The following PPARGC1B variants were observed in gnomAD, a reference collection of about 807,000 sequenced individuals.
The protein encoded by PPARGC1B is peroxisome proliferator-activated receptor gamma coactivator 1-beta.
PPARGC1B carries 34 observed loss-of-function variants against 101.6 expected under a neutral mutation model. The observed-to-expected ratio is 0.33, with a 90% CI of 0.25 to 0.45. The LOEUF (loss-of-function observed/expected upper bound fraction) is 0.45. Ranked by LOEUF, PPARGC1B falls within the 20% of genes least tolerant of loss-of-function variation. The pLI, the probability that PPARGC1B is intolerant of heterozygous loss-of-function variation, is 1.00. For missense variants in PPARGC1B, 1,234 were observed against 1,317.6 expected, an observed-to-expected ratio of 0.94 and a Z score of 0.98; for synonymous variants, 548 against 539.3, an observed-to-expected ratio of 1.02 and a Z score of -0.22.
At chr5:149,831,333 A>G (rs1326033532) in intron 4 of PPARGC1B, among the ~76,000 whole-genome samples, 1 of 152,128 alleles carries the variant, frequency 6.6e-6, no homozygotes, top group Non-Finnish European at 1.5e-5. Flanking sequence ...CTTGAGCCCC[A>G]TCTTCCAAGC....
At chr5:149,755,767 C>T (rs1400456244) in intron 1 of PPARGC1B, among the ~76,000 whole-genome samples, 1 of 151,840 alleles carries the variant, frequency 6.6e-6, no homozygotes, top group East Asian at 1.9e-4. Flanking sequence ...CCTCAGCCTC[C>T]CAAGTAGCTG....
chr5:149,841,802 A>G (rs1759349004), intron 9 of PPARGC1B, among the ~76,000 whole-genome samples: 1 of 152,112 alleles, frequency 6.6e-6, no homozygotes, highest in African/African-American at 2.4e-5. Context: ...GGCTTCAGCC[A>G]CTTTGCCCAG....
intron 1 of PPARGC1B, among the ~76,000 whole-genome samples, chr5:149,819,861 A>G (rs911022006): frequency 1.3e-5 from 2 of 152,242 alleles, no homozygotes; most frequent in African/African-American, 4.8e-5. Context: ...GTGTTCCATC[A>G]TATATCATAT....
chr5:149,841,667 G>A (rs1199849653), intron 9 of PPARGC1B, among the ~76,000 whole-genome samples: 2 of 152,178 alleles, frequency 1.3e-5, no homozygotes, highest in African/African-American at 2.4e-5. Context: ...TCTGAGAGGA[G>A]GGGAAGGGGA....
intron 1 of PPARGC1B, among the ~76,000 whole-genome samples, chr5:149,776,680 A>C (rs1387027909): frequency 6.6e-6 from 1 of 152,126 alleles, no homozygotes; most frequent in Non-Finnish European, 1.5e-5. Context: ...CCTGGGAATG[A>C]CCCACCCAGA....
rs1758540481 is a variant in PPARGC1B at position 149,826,783 on chromosome 5, T to C, written c.363T>C (p.Ala121=). ...AAFPALDGGD[A]LSCTSASPAP... is the part of the protein sequence containing the mutation. ...TCCCAGCCCTGGATGGTGGAGACGC[T>C]CTATCATGCACCTCAGCTTCGCCTG... Residue 121 remains alanine (A), a synonymous_variant, in exon 3 of 12, where the codon GCT becomes GCC. Coordinates refer to ENST00000309241, the MANE Select transcript of PPARGC1B (RefSeq NM_133263.4). 2 of 1,613,968 alleles carry C rather than the reference T, an allele frequency of 1.2e-6. No individual in the cohort carries two copies. The highest frequency in any genetic ancestry group is 1.7e-6 in the Non-Finnish European group (2 of 1,179,932).
intron 1 of PPARGC1B, among the ~76,000 whole-genome samples, chr5:149,797,547 A>C (rs188236147): frequency 4.6e-5 from 7 of 152,346 alleles, no homozygotes; most frequent in African/African-American, 1.4e-4. Flanking sequence ...CTACCATAAC[A>C]GATTCTTTTT....
At chr5:149,785,777 G>C (rs1460553076) in intron 1 of PPARGC1B, among the ~76,000 whole-genome samples, 1 of 152,172 alleles carries the variant, frequency 6.6e-6, no homozygotes, top group Non-Finnish European at 1.5e-5. Context: ...TCCAACCTAG[G>C]TTGACACTAA....
chr5:149,846,386 C>T (rs1759559511), intron 11 of PPARGC1B: 1 of 193,292 alleles, frequency 5.2e-6, no homozygotes, highest in Non-Finnish European at 1.0e-5. Flanking sequence ...GTAATCCCAT[C>T]ACCTTGGGAG....
At chr5:149,735,855 G>A (rs1450713543) in intron 1 of PPARGC1B, among the ~76,000 whole-genome samples, 3 of 152,252 alleles carry the variant, frequency 2.0e-5, no homozygotes, top group African/African-American at 7.2e-5. Context: ...GCCGGGTGCG[G>A]CGGCTCACGC....
intron 2 of PPARGC1B, 77 bp from the exon 3 acceptor site, chr5:149,826,596 C>A: frequency 8.6e-7 from 1 of 1,159,756 alleles, no homozygotes; most frequent in Non-Finnish European, 1.3e-6. Context: ...TGGTGTCCAC[C>A]GTGGAGACTG....
intron 10 of PPARGC1B, among the ~76,000 whole-genome samples, chr5:149,844,064 G>A (rs1029653003): frequency 6.6e-6 from 1 of 152,186 alleles, no homozygotes; most frequent in African/African-American, 2.4e-5. Flanking sequence ...CTGGAGCTTC[G>A]TTGCACAGCA....
intron 1 of PPARGC1B, among the ~76,000 whole-genome samples, chr5:149,797,232 T>C (rs1757257654): frequency 6.6e-6 from 1 of 152,202 alleles, no homozygotes; most frequent in Non-Finnish European, 1.5e-5. Flanking sequence ...ACATTGACAG[T>C]GTGCCAGGCA....
intron 1 of PPARGC1B, among the ~76,000 whole-genome samples, chr5:149,784,699 C>G (rs1194571751): frequency 6.6e-6 from 1 of 151,532 alleles, no homozygotes; most frequent in Admixed American, 6.6e-5. Flanking sequence ...TCCCGAGTAG[C>G]TGGGACTACA....
rs1429348236 is a variant in PPARGC1B, at chr5:149,833,066, C to A, written c.993C>A (p.His331Gln). Reference sequence around the variant, plus strand: ...TCAGATCCCGGCCCTGGTCCCGGCACCACTCCAAAGCCTCCTGGGCTGAGT... The same window carrying A: ...TCAGATCCCGGCCCTGGTCCCGGCAACACTCCAAAGCCTCCTGGGCTGAGT... ...QQVRSRPWSR[H>Q]HSKASWAEFS... Residue 331 changes from histidine (H) to glutamine (Q), a missense_variant, in exon 5 of 12, where the codon CAC becomes CAA. Around this residue, in one of 3 missense-constraint regions of PPARGC1B, gnomAD observed 734 missense variants for 768.4 expected, o/e 0.96. Coordinates refer to ENST00000309241, the MANE Select transcript of PPARGC1B (RefSeq NM_133263.4). The surrounding 1 kb of genome is among the most constrained non-coding windows in gnomAD (Gnocchi z 4.1). 1.2e-6 allele frequency: 2 copies of A among 1,613,882 alleles called. No individual in the cohort carries two copies. Among genetic ancestry groups the A allele is most frequent in the Admixed American group, 3.3e-5 (2 of 60,030 alleles).
At position 149,832,835 on chromosome 5, in the gene PPARGC1B, C is replaced by A; in HGVS notation, c.762C>A (p.Cys254Ter). Residue 254 changes from cysteine to a stop codon, truncating the protein, a stop_gained, in exon 5 of 12, where the codon TGC (cysteine) becomes TGA (stop). Coordinates refer to ENST00000309241, the MANE Select transcript of PPARGC1B (RefSeq NM_133263.4). LOFTEE classifies it high-confidence loss of function. This position sits in a 1 kb window ranked among gnomAD's most constrained non-coding sequence, Gnocchi z 4.9. Reference sequence around the variant, plus strand: ...AGGACAAGGAGCCGGGTGAGGACTGCCCGAGCCCCCAGCCAGCTCCAGCCT... The same window carrying A: ...AGGACAAGGAGCCGGGTGAGGACTGACCGAGCCCCCAGCCAGCTCCAGCCT... ...AKEDKEPGED[C>*]PSPQPAPASP... The A allele has an allele frequency of 6.2e-7, 1 of 1,609,930 alleles. No individual in the cohort carries two copies. Among genetic ancestry groups the A allele is most frequent in the Non-Finnish European group, 8.5e-7 (1 of 1,177,708 alleles).
At chr5:149,820,809 T>G (rs999029452) in intron 2 of PPARGC1B, among the ~76,000 whole-genome samples, 6 of 152,184 alleles carry the variant, frequency 3.9e-5, no homozygotes, top group African/African-American at 1.4e-4. Flanking sequence ...GCCCTTGCTG[T>G]GTCACCTCCA....
intron 1 of PPARGC1B, among the ~76,000 whole-genome samples, chr5:149,749,951 A>G (rs1355824288): frequency 6.6e-6 from 1 of 152,194 alleles, no homozygotes; most frequent in African/African-American, 2.4e-5. Context: ...CTGGAGACAG[A>G]TGGACAGATG....
chr5:149,839,964 G>A (rs968436581), intron 8 of PPARGC1B, 77 bp from the exon 9 acceptor site: 20 of 1,416,460 alleles, frequency 1.4e-5, no homozygotes, highest in Non-Finnish European at 2.0e-5. Flanking sequence ...CATCCCTTGC[G>A]TCCTGGAGCA....
Sources: allele counts gnomAD v4.1 joint callset (sites outside exome capture counted in the v4.1 genomes callset), GRCh38; gene constraint gnomAD v4.1.1; regional missense constraint gnomAD v4.1.1; non-coding constraint Gnocchi (gnomAD v3.1); transcripts MANE v1.5; gene names NCBI Gene and HGNC (gene_info 2026-07-23, HGNC 2026-07-21).